Variants in TMEM67 observed in about 807,000 individuals in gnomAD.
TMEM67 encodes meckelin.
A neutral mutation model predicts 136.6 loss-of-function variants in TMEM67; 124 were observed. The observed-to-expected ratio is 0.91, with a 90% CI of 0.78 to 1.05. TMEM67 has a LOEUF of 1.05. TMEM67 is among the 50% of genes least tolerant of loss of function. The probability of loss-of-function intolerance (pLI) is 0.00; values close to 1 mark genes in which losing one functional copy is unlikely to be tolerated. For synonymous variants in TMEM67, 364 were observed against 390.5 expected, an observed-to-expected ratio of 0.93 and a Z score of 0.80; for missense variants, 1,107 against 1,178.4, an observed-to-expected ratio of 0.94 and a Z score of 0.89.
chr8:93,795,975 C>A lies in TMEM67; in HGVS notation c.1848C>A (p.Ala616=). 1.9e-6 allele frequency: 3 copies of A among 1,612,472 alleles called. No homozygotes were observed. The highest frequency in any genetic ancestry group is 2.5e-6 in the Non-Finnish European group (3 of 1,178,610). The change falls in exon 18 of 28, where the codon GCC becomes GCA. Residue 616 remains alanine, a synonymous_variant. Coordinates refer to ENST00000453321, the MANE Select transcript of TMEM67 (RefSeq NM_153704.6). ...EERFVTYVGC[A]FALKALQFLH... ...GTTTTGTCACTTATGTTGGATGTGCCTTTGCTCTGAAGGTAAGTTTTAAAG... is the reference window on the plus strand; with the variant it reads ...GTTTTGTCACTTATGTTGGATGTGCATTTGCTCTGAAGGTAAGTTTTAAAG...
intron 7 of TMEM67, among the ~76,000 whole-genome samples, chr8:93,773,557 C>T (rs1181953817): frequency 1.3e-5 from 2 of 152,092 alleles, no homozygotes; most frequent in Non-Finnish European, 2.9e-5. Flanking sequence ...TTCAGCTATG[C>T]TTTGAAGATT....
intron 7 of TMEM67, among the ~76,000 whole-genome samples, chr8:93,779,131 T>C (rs755666474): frequency 6.6e-6 from 1 of 152,220 alleles, no homozygotes; most frequent in Non-Finnish European, 1.5e-5. Context: ...TACCCTTTCT[T>C]CCACTTGACC....
intron 18 of TMEM67, 31 bp from the exon 19 acceptor site, chr8:93,797,103 T>C: frequency 7.5e-7 from 1 of 1,335,316 alleles, no homozygotes; most frequent in Non-Finnish European, 1.1e-6. Flanking sequence ...GCTGGTACTT[T>C]TTCAGGTGTT....
chr8:93,829,714 CTCTCTCTTTT>C, the TMEM67 span, among the ~76,000 whole-genome samples: 5 of 152,196 alleles, frequency 3.3e-5, no homozygotes, highest in Non-Finnish European at 7.4e-5. Flanking sequence ...CCCTTTCTTT[CTCTCTCTTTT>C]TCTCTCCCCT....
chr8:93,806,567 A>G (rs981351453), intron 23 of TMEM67, among the ~76,000 whole-genome samples: 5 of 152,156 alleles, frequency 3.3e-5, no homozygotes, highest in African/African-American at 1.2e-4. Flanking sequence ...AACTTCCATA[A>G]TAAAATTTTT....
At chr8:93,754,862 G>C, upstream of TMEM67, 1 of 1,554,902 alleles carries the variant, frequency 6.4e-7, no homozygotes, top group Non-Finnish European at 8.9e-7. Context: ...CAGCGAAGCC[G>C]CCGCAGAGGC....
In TMEM67 at chr8:93,793,311, GT is replaced by G; in HGVS notation, c.1674+21del. ...TTGATTTACAGGTATAATCTCAGGAGTTTTTTAAGAATATTTTTATCTTTTG... is the reference window on the plus strand; with the variant it reads ...TTGATTTACAGGTATAATCTCAGGAGTTTTTAAGAATATTTTTATCTTTTG... On this transcript the variant is annotated intron_variant, in intron 16 of 27. Coordinates refer to ENST00000453321, the MANE Select transcript of TMEM67 (RefSeq NM_153704.6). The G allele has an allele frequency of 6.3e-7, 1 of 1,587,974 alleles. No individual in the cohort carries two copies. The highest frequency in any genetic ancestry group is 2.2e-5 in the East Asian group (1 of 44,744).
intron 23 of TMEM67, 39 bp downstream of exon 23, chr8:93,804,917 G>A (rs1255812950): frequency 3.6e-6 from 4 of 1,119,704 alleles, no homozygotes; most frequent in Non-Finnish European, 5.5e-6. Context: ...TTTAAGTTGA[G>A]AAGTGGATTC....
chr8:93,815,577 C>A, intron 27 of TMEM67, 130 bp downstream of exon 27: 2 of 804,954 alleles, frequency 2.5e-6, no homozygotes, highest in Non-Finnish European at 3.9e-6. Context: ...TAGAATATGA[C>A]TAACCCCACC....
chr8:93,783,051 C>A (rs1176096092), intron 11 of TMEM67, among the ~76,000 whole-genome samples: 3 of 152,152 alleles, frequency 2.0e-5, no homozygotes, highest in Non-Finnish European at 4.4e-5. Flanking sequence ...GTGGTGCAAT[C>A]TCAGCTCACT....
At chr8:93,772,900 G>A (rs1198489552) in intron 7 of TMEM67, among the ~76,000 whole-genome samples, 1 of 152,102 alleles carries the variant, frequency 6.6e-6, no homozygotes, top group Non-Finnish European at 1.5e-5. Context: ...CTGTCACTTA[G>A]TAAATGTTTA....
chr8:93,789,112 G>C (rs1453111893), intron 14 of TMEM67, among the ~76,000 whole-genome samples: 2 of 152,178 alleles, frequency 1.3e-5, no homozygotes, highest in Admixed American at 1.3e-4. Flanking sequence ...AACTCTGTAA[G>C]AGCTTTGAAT....
chr8:93,798,855 A>G (rs1359386243), intron 20 of TMEM67, among the ~76,000 whole-genome samples: 1 of 151,970 alleles, frequency 6.6e-6, no homozygotes, highest in Non-Finnish European at 1.5e-5. Context: ...TTTACAATAC[A>G]GTGTTTTGAT....
At chr8:93,759,975 A>G in intron 3 of TMEM67, 1 of 1,529,666 alleles carries the variant, frequency 6.5e-7, no homozygotes, top group South Asian at 1.2e-5. Flanking sequence ...AGGAATGTAC[A>G]ACATAATTGA....
intron 20 of TMEM67, 42 bp downstream of exon 20, chr8:93,797,512 C>T (rs777586947): frequency 2.4e-5 from 37 of 1,571,372 alleles, no homozygotes; most frequent in Non-Finnish European, 3.1e-5. Flanking sequence ...TTACATGTAC[C>T]TTATAAATAT....
In TMEM67 at chr8:93,797,293, A is replaced by T. The variant is rs372771493; in HGVS notation, c.1961-38A>T. ...TTTTGCTACCCTTGCAGAGCAAAGGAGGTAAAACTCTTTTACTCATTTTAT... is the reference window on the plus strand; with the variant it reads ...TTTTGCTACCCTTGCAGAGCAAAGGTGGTAAAACTCTTTTACTCATTTTAT... On this transcript the variant is annotated intron_variant, in intron 19 of 27. Coordinates refer to ENST00000453321, the MANE Select transcript of TMEM67 (RefSeq NM_153704.6). 4.8e-5 allele frequency: 78 copies of T among 1,613,916 alleles called. No homozygotes were observed. The African/African-American group carries it at 9.1e-4, about 19-fold the overall frequency.
At position 93,755,124 on chromosome 8, in the gene TMEM67, G is replaced by C. The variant is rs2130523134; in HGVS notation, c.210G>C (p.Arg70Ser). Residue 70 changes from arginine (R) to serine (S), a missense_variant, in exon 1 of 28, where the codon AGG becomes AGC. This residue lies in a region of TMEM67 where 178 missense variants were observed against 159.2 expected (regional missense o/e 1.12). Transcript: ENST00000453321. ...LSCVPCGANQ[R>S]QDARGTSCVC... ...GTGTTCCTTGTGGAGCTAACCAGAG[G>C]CAAGATGCCCGAGGTAAGACGGTTT... 6.2e-7 allele frequency: 1 copy of C among 1,614,130 alleles called. No homozygotes were observed. Among genetic ancestry groups the C allele is most frequent in the Non-Finnish European group, 8.5e-7 (1 of 1,180,022 alleles).
rs777970810 is a variant in TMEM67, at chr8:93,793,213, T to C, written c.1591T>C (p.Leu531=). 1 of 1,614,074 alleles carries C rather than the reference T, an allele frequency of 6.2e-7. No homozygotes were observed. Among genetic ancestry groups the C allele is most frequent in the Non-Finnish European group, 8.5e-7 (1 of 1,179,970 alleles). ...HVQTDIALGV[L]GGLAVLASLL... ...TGTTTTTTAGATTGCTTTGGGTGTA[T>C]TGGGTGGGCTAGCTGTTTTAGCATC... The change falls in exon 16 of 28, where the codon TTG becomes CTG. Residue 531 remains leucine (L), a synonymous_variant. Coordinates refer to ENST00000453321, the MANE Select transcript of TMEM67 (RefSeq NM_153704.6).
chr8:93,828,989 T>G, the TMEM67 span, among the ~76,000 whole-genome samples: 1 of 152,192 alleles, frequency 6.6e-6, no homozygotes, highest in African/African-American at 2.4e-5. Context: ...GTATATTACA[T>G]TTATGCCTAT....
Sources: allele counts gnomAD v4.1 joint callset (sites outside exome capture counted in the v4.1 genomes callset), GRCh38; gene constraint gnomAD v4.1.1; regional missense constraint gnomAD v4.1.1; transcripts MANE v1.5; gene names NCBI Gene and HGNC (gene_info 2026-07-23, HGNC 2026-07-21).